Variants in PREX1 observed in about 807,000 individuals in gnomAD.
PREX1 encodes phosphatidylinositol 3,4,5-trisphosphate-dependent Rac exchanger 1 protein.
A neutral mutation model predicts 198.3 loss-of-function variants in PREX1; 41 were observed. The ratio of observed to expected loss-of-function variants is 0.21; its 90% CI spans 0.16 to 0.27. The LOEUF (loss-of-function observed/expected upper bound fraction) is 0.27, where lower values mean the gene tolerates loss of function less well. Among genes scored for constraint, PREX1 ranks in the 10% least tolerant of loss-of-function variants. The pLI is 1.00. For synonymous variants in PREX1, 843 were observed against 887.2 expected (o/e 0.95, Z 0.89); for missense variants, 1,620 against 2,200.7 (o/e 0.74, Z 5.28).
chr20:48,876,243 G>C, the PREX1 span, among the ~76,000 whole-genome samples: 1 of 152,140 alleles, frequency 6.6e-6, no homozygotes, highest in Non-Finnish European at 1.5e-5. Flanking sequence ...CTGCTGTTAA[G>C]ACTGAGGTTG....
the PREX1 span, among the ~76,000 whole-genome samples, chr20:48,843,929 G>A: frequency 2.0e-5 from 3 of 152,126 alleles, no homozygotes; most frequent in Admixed American, 2.0e-4. Context: ...AAGATTGCTT[G>A]AGGCCAGGAG....
chr20:48,765,173 T>C (rs2090202918), intron 1 of PREX1, among the ~76,000 whole-genome samples: 1 of 152,264 alleles, frequency 6.6e-6, no homozygotes, highest in African/African-American at 2.4e-5. Context: ...AATACTCTGT[T>C]ATTATGATTA....
the PREX1 span, among the ~76,000 whole-genome samples, chr20:48,861,663 A>G: frequency 3.3e-5 from 5 of 152,250 alleles, no homozygotes; most frequent in African/African-American, 1.2e-4. Flanking sequence ...CTTCTAAAAC[A>G]CAATTTAGGG....
chr20:48,862,790 A>AAAAAAAAATAT, the PREX1 span, among the ~76,000 whole-genome samples: 1 of 102,574 alleles, frequency 9.7e-6, no homozygotes, highest in African/African-American at 4.4e-5. Flanking sequence ...TAAAAAAAAA[A>AAAAAAAAATAT]ATATATATAT....
Position 48,653,512 on chromosome 20 carries a change from A to T in PREX1, c.2210-15T>A. ...GGCCTCAGAGCCTAAGGGGAACAGG[A>T]GCACATGAGGCTGGATGCCAGGCAA... is the stretch of plus-strand genomic sequence containing the variant. On this transcript the variant is annotated splice_polypyrimidine_tract_variant and intron_variant, in intron 19 of 39. Coordinates refer to ENST00000371941, the MANE Select transcript of PREX1 (RefSeq NM_020820.4). 6.3e-7 allele frequency: 1 copy of T among 1,599,302 alleles called. No individual in the cohort carries two copies. Among genetic ancestry groups the T allele is most frequent in the Non-Finnish European group, 8.5e-7 (1 of 1,169,926 alleles).
Position 48,630,797 on chromosome 20 carries a change from G to A in PREX1, c.4527-3C>T. ...TAGACCGCTCCAGGTAAAATGCCCT[G>A]CGAGAGAAAGATGGGAATGAGGCGG... On this transcript the variant is annotated splice_region_variant and splice_polypyrimidine_tract_variant and intron_variant, in intron 35 of 39. Coordinates refer to ENST00000371941, the MANE Select transcript of PREX1 (RefSeq NM_020820.4). 2.5e-6 allele frequency: 4 copies of A among 1,570,136 alleles called. No individual in the cohort carries two copies. The highest frequency in any genetic ancestry group is 3.5e-6 in the Non-Finnish European group (4 of 1,140,360).
chr20:48,755,692 C>T (rs752316832), intron 1 of PREX1, among the ~76,000 whole-genome samples: 13 of 152,124 alleles, frequency 8.5e-5, no homozygotes, highest in South Asian at 2.1e-4. Flanking sequence ...CCAACATATC[C>T]GCCCTGGGTC....
intron 27 of PREX1, 51 bp from the exon 28 acceptor site, chr20:48,642,540 A>G (rs1329644381): frequency 6.7e-7 from 1 of 1,487,444 alleles, no homozygotes; most frequent in African/African-American, 1.4e-5. Context: ...CCCACCTCAC[A>G]CCATCCCCAG....
chr20:48,757,169 G>A (rs552527799), intron 1 of PREX1, among the ~76,000 whole-genome samples: 14 of 152,056 alleles, frequency 9.2e-5, no homozygotes, highest in Admixed American at 6.5e-4. Context: ...GGCCTTCCCC[G>A]ACTGCTCCAT....
intron 16 of PREX1, 77 bp from the exon 17 acceptor site, chr20:48,658,305 G>A: frequency 1.4e-6 from 2 of 1,429,680 alleles, no homozygotes; most frequent in African/African-American, 1.4e-5. Flanking sequence ...GCCCCCACAG[G>A]ACCATGACCT....
chr20:48,835,982 G>C, the PREX1 span, among the ~76,000 whole-genome samples: 2 of 152,332 alleles, frequency 1.3e-5, no homozygotes, highest in South Asian at 4.1e-4. Context: ...GATGGAGCCA[G>C]CAGGATTTGC....
chr20:48,849,879 G>A, the PREX1 span, among the ~76,000 whole-genome samples: 1 of 152,126 alleles, frequency 6.6e-6, no homozygotes, highest in African/African-American at 2.4e-5. Context: ...GTGGTAGTGG[G>A]GAGAAAGGTA....
At chr20:48,882,284 C>T in the PREX1 span, among the ~76,000 whole-genome samples, 3 of 151,818 alleles carry the variant, frequency 2.0e-5, no homozygotes, top group Non-Finnish European at 2.9e-5. Context: ...AGGCGGATCA[C>T]GAGGTCAGGA....
chr20:48,680,312 C>T (rs1019294585), intron 11 of PREX1, among the ~76,000 whole-genome samples: 1 of 152,178 alleles, frequency 6.6e-6, no homozygotes, highest in Admixed American at 6.5e-5. Context: ...ATCACAGCAG[C>T]CTCTTTGCTG....
At chr20:48,757,090 T>C (rs2090158874) in intron 1 of PREX1, among the ~76,000 whole-genome samples, 1 of 152,070 alleles carries the variant, frequency 6.6e-6, no homozygotes, top group Non-Finnish European at 1.5e-5. Flanking sequence ...CAATTCAAGG[T>C]GAGATTTGGG....
chr20:48,793,186 A>G lies in PREX1; in HGVS notation c.219+34456T>C, dbSNP rs192863233. Among the ~76,000 whole-genome samples the G allele has an allele frequency of 1.9e-3, 283 of 152,356 alleles. 2 individuals carry two copies. The highest frequency in any genetic ancestry group is 6.0e-3 in the African/African-American group (249 of 41,584). On this transcript the variant is annotated intron_variant, in intron 1 of 39. Transcript: ENST00000371941. ...GCCACTGCACTCCATCCTGGATAACAGAGCAAGAAACTGTCTCAAAATAAA... is the reference window on the plus strand; with the variant it reads ...GCCACTGCACTCCATCCTGGATAACGGAGCAAGAAACTGTCTCAAAATAAA...
chr20:48,648,048 G>A (rs2089464201), intron 25 of PREX1, among the ~76,000 whole-genome samples: 1 of 152,136 alleles, frequency 6.6e-6, no homozygotes, highest in Non-Finnish European at 1.5e-5. Context: ...GACAACAGGT[G>A]TATGCCATCA....
intron 13 of PREX1, 75 bp from the exon 14 acceptor site, chr20:48,676,343 G>T: frequency 7.3e-7 from 1 of 1,368,288 alleles, no homozygotes; most frequent in Non-Finnish European, 1.0e-6. Flanking sequence ...TGACTTCCCT[G>T]CAGGACGTGC....
chr20:48,810,898 T>A (rs987124386), intron 1 of PREX1, among the ~76,000 whole-genome samples: 19 of 151,510 alleles, frequency 1.3e-4, no homozygotes, highest in East Asian at 1.9e-4. Context: ...AAAAAAAAAA[T>A]AATAATAATA....
Sources: allele counts gnomAD v4.1 joint callset (sites outside exome capture counted in the v4.1 genomes callset), GRCh38; gene constraint gnomAD v4.1.1; transcripts MANE v1.5; gene names NCBI Gene and HGNC (gene_info 2026-07-23, HGNC 2026-07-21).